The following MGAT4C variants were observed in gnomAD, a reference collection of about 807,000 sequenced individuals.
MGAT4C encodes alpha-1,3-mannosyl-glycoprotein 4-beta-N-acetylglucosaminyltransferase C.
In MGAT4C, 19 loss-of-function variants were observed where a neutral mutation model predicts 40.1. The observed-to-expected ratio is 0.47, with a 90% confidence interval of 0.33 to 0.70. MGAT4C has a LOEUF of 0.70. Among genes scored for constraint, MGAT4C ranks in the 30% least tolerant of loss-of-function variants. The pLI is 0.02. For missense variants in MGAT4C, 491 were observed against 563.2 expected (o/e 0.87, Z 1.30); for synonymous variants, 181 against 187.1 (o/e 0.97, Z 0.27).
intron 4 of MGAT4C, among the ~76,000 whole-genome samples, chr12:86,300,979 G>A (rs542757630): frequency 6.6e-6 from 1 of 152,252 alleles, no homozygotes; most frequent in South Asian, 2.1e-4. Flanking sequence ...TATTTACTAT[G>A]TGCTATAGGG....
chr12:86,261,848 C>T (rs1952664830), intron 4 of MGAT4C, among the ~76,000 whole-genome samples: 1 of 151,988 alleles, frequency 6.6e-6, no homozygotes. Flanking sequence ...CTCTTAACAT[C>T]CCTCCCCCAC....
At chr12:86,478,678 T>C (rs959712878) in intron 2 of MGAT4C, among the ~76,000 whole-genome samples, 2 of 152,112 alleles carry the variant, frequency 1.3e-5, no homozygotes, top group East Asian at 1.9e-4. Context: ...CTGGAGCTTT[T>C]TGCAAGATTT....
intron 3 of MGAT4C, among the ~76,000 whole-genome samples, chr12:86,410,182 G>T (rs1010737713): frequency 4.6e-5 from 7 of 152,072 alleles, no homozygotes; most frequent in African/African-American, 1.7e-4. Context: ...TTAAACAACT[G>T]AAAACAGGGT....
rs543148642 is a variant in MGAT4C, at chr12:85,961,300, A to G, written c.*17989T>C. 2 of 151,986 alleles carry G rather than the reference A, an allele frequency of 1.3e-5. No individual in the cohort carries two copies. The highest frequency in any genetic ancestry group is 2.4e-5 in the African/African-American group (1 of 41,530). 9.4% of individuals were successfully genotyped at this position (151,986 alleles called of 1,614,324 possible). A position where few individuals can be genotyped will look rare whatever the true frequency, so the allele number is the denominator to read the frequency against. Reference sequence around the variant, plus strand: ...AGAGAAAAACACATTAAATGATCAAATAATCTTTTATGAGCTCAGAAAAAA... The same window carrying G: ...AGAGAAAAACACATTAAATGATCAAGTAATCTTTTATGAGCTCAGAAAAAA... On this transcript the variant is annotated 3_prime_UTR_variant, in exon 5 of 5. Coordinates refer to ENST00000611864, the MANE Select transcript of MGAT4C (RefSeq NM_001351288.2).
At chr12:86,605,069 A>G (rs558331391) in intron 2 of MGAT4C, among the ~76,000 whole-genome samples, 2 of 152,252 alleles carry the variant, frequency 1.3e-5, no homozygotes, top group East Asian at 3.9e-4. Flanking sequence ...TGTCATGATT[A>G]GGGAACAGTG....
At chr12:86,302,519 C>T (rs1229784939) in intron 4 of MGAT4C, among the ~76,000 whole-genome samples, 1 of 150,454 alleles carries the variant, frequency 6.6e-6, no homozygotes, top group Non-Finnish European at 1.5e-5. Context: ...ACCTCTGCCT[C>T]CCGGGCTAAA....
At chr12:86,731,268 G>A (rs573864439) in intron 1 of MGAT4C, among the ~76,000 whole-genome samples, 1 of 152,062 alleles carries the variant, frequency 6.6e-6, no homozygotes, top group Non-Finnish European at 1.5e-5. Context: ...TAACTTCAGA[G>A]CTTATGATAT....
chr12:86,459,691 C>T (rs1957566462), intron 2 of MGAT4C, among the ~76,000 whole-genome samples: 1 of 109,462 alleles, frequency 9.1e-6, no homozygotes, highest in Non-Finnish European at 1.8e-5. Flanking sequence ...CACAGCTTTA[C>T]CCGCCCCGCC....
intron 3 of MGAT4C, among the ~76,000 whole-genome samples, chr12:86,411,555 T>C (rs116341486): frequency 1.6e-3 from 240 of 152,318 alleles, no homozygotes; most frequent in African/African-American, 5.4e-3. Context: ...AGATATATCC[T>C]GGCTACTTGT....
chr12:86,227,555 G>A (rs1951140496), intron 1 of MGAT4C, among the ~76,000 whole-genome samples: 1 of 151,838 alleles, frequency 6.6e-6, no homozygotes, highest in South Asian at 2.1e-4. Flanking sequence ...ACATACTTCA[G>A]CACACGTATA....
At chr12:86,460,582 T>A (rs1419670509) in intron 2 of MGAT4C, among the ~76,000 whole-genome samples, 2 of 152,132 alleles carry the variant, frequency 1.3e-5, no homozygotes, top group Non-Finnish European at 2.9e-5. Context: ...TTAAAGTATT[T>A]GTGTCAAATT....
intron 2 of MGAT4C, among the ~76,000 whole-genome samples, chr12:86,625,009 G>GT (rs1962757484): frequency 6.6e-6 from 1 of 152,038 alleles, no homozygotes; most frequent in African/African-American, 2.4e-5. Flanking sequence ...CATGAGGGCG[G>GT]TTTTCCCCAT....
chr12:86,468,259 C>T (rs1957709422), intron 2 of MGAT4C, among the ~76,000 whole-genome samples: 1 of 152,074 alleles, frequency 6.6e-6, no homozygotes. Flanking sequence ...TGTCCAATAA[C>T]CTTGCAGGCC....
At chr12:86,023,900 T>C (rs1373812792) in intron 2 of MGAT4C, among the ~76,000 whole-genome samples, 1 of 151,758 alleles carries the variant, frequency 6.6e-6, no homozygotes, top group East Asian at 1.9e-4. Flanking sequence ...ATTTTTTTCT[T>C]TATCTTTAAA....
intron 1 of MGAT4C, among the ~76,000 whole-genome samples, chr12:86,214,790 G>T (rs1270715606): frequency 1.3e-5 from 2 of 152,118 alleles, no homozygotes; most frequent in Admixed American, 1.3e-4. Context: ...AAAATATTTA[G>T]TCCATGTAAG....
intron 2 of MGAT4C, among the ~76,000 whole-genome samples, chr12:86,502,209 C>A (rs1958357471): frequency 6.6e-6 from 1 of 151,886 alleles, no homozygotes; most frequent in Non-Finnish European, 1.5e-5. Context: ...CTTGGGAAAA[C>A]CTTAAATACC....
At chr12:86,437,127 T>A (rs555579807) in intron 2 of MGAT4C, among the ~76,000 whole-genome samples, 9 of 151,802 alleles carry the variant, frequency 5.9e-5, no homozygotes, top group Non-Finnish European at 1.2e-4. Context: ...AGAATTTTTA[T>A]GTCTTTATTA....
intron 1 of MGAT4C, among the ~76,000 whole-genome samples, chr12:86,752,132 T>C (rs1951238578): frequency 6.6e-6 from 1 of 151,988 alleles, no homozygotes; most frequent in Non-Finnish European, 1.5e-5. Flanking sequence ...CTATGTATTT[T>C]ATATAGAAAA....
Position 85,958,853 on chromosome 12 carries a change from GCTTA to G in MGAT4C, c.*20432_*20435del, listed in dbSNP as rs1475599803. On this transcript the variant is annotated 3_prime_UTR_variant, in exon 5 of 5. Transcript: ENST00000611864. ...TAAAATACATTTTTAATTTAGTTAA[GCTTA>G]CTTAACTAATGATCAAATAGATTAA... 6.6e-5 allele frequency: 10 copies of G among 151,812 alleles called. No individual in the cohort carries two copies. Among genetic ancestry groups the G allele is most frequent in the Non-Finnish European group, 1.2e-4 (8 of 67,958 alleles). 9.4% of individuals were successfully genotyped at this position (151,812 alleles called of 1,614,324 possible). A position where few individuals can be genotyped will look rare whatever the true frequency, so the allele number is the denominator to read the frequency against.
Sources: allele counts gnomAD v4.1 joint callset (sites outside exome capture counted in the v4.1 genomes callset), GRCh38; gene constraint gnomAD v4.1.1; transcripts MANE v1.5; gene names NCBI Gene and HGNC (gene_info 2026-07-23, HGNC 2026-07-21).